Variants in RRP7A observed in about 807,000 individuals in gnomAD.
RRP7A encodes the protein ribosomal RNA processing 7 homolog A, also known as ribosomal RNA-processing protein 7 homolog A.
In RRP7A, 27 loss-of-function variants were observed where a neutral mutation model predicts 38.4. The ratio of observed to expected loss-of-function variants is 0.70; its 90% CI spans 0.52 to 0.97. RRP7A has a LOEUF of 0.97. Ranked by LOEUF, RRP7A falls within the 50% of genes least tolerant of loss-of-function variation. RRP7A has a pLI of 0.00. For missense variants in RRP7A, 327 were observed against 375.4 expected (o/e 0.87, Z 1.07); for synonymous variants, 124 against 150.3 (o/e 0.83, Z 1.28).
chr22:42,509,710 A>G lies in RRP7A; in HGVS notation c.*3200T>C, dbSNP rs973144712. Among the ~76,000 whole-genome samples, 18 of 151,950 alleles carry G rather than the reference A, an allele frequency of 1.2e-4. No homozygotes were observed. Among genetic ancestry groups the G allele is most frequent in the South Asian group, 6.2e-4 (3 of 4,810 alleles). On this transcript the variant is annotated 3_prime_UTR_variant, in exon 7 of 7. Coordinates refer to ENST00000323013, the MANE Select transcript of RRP7A (RefSeq NM_015703.5). ...CATGGATGAGCCTTGAAAACATCGC[A>G]CTAAGTGGATGAAGTCAGACACAAC...
chr22:42,509,356 G>T lies in RRP7A; in HGVS notation c.*3554C>A, dbSNP rs968630521. ...CCCATGCCTTTCCACAGGTGTCAGC[G>T]GGGGGCATGCCCAGGTAAGGCTCCA... On this transcript the variant is annotated 3_prime_UTR_variant, in exon 7 of 7. Transcript: ENST00000323013. 1.7e-5 allele frequency among the ~76,000 whole-genome samples: 2 copies of T among 120,156 alleles called. No individual in the cohort carries two copies. Among genetic ancestry groups the T allele is most frequent in the South Asian group, 2.2e-4 (1 of 4,496 alleles). The allele number at this position is 120,156 out of a possible 152,430, so 78.8% of individuals were successfully genotyped here. A position where few individuals can be genotyped will look rare whatever the true frequency, so the allele number is the denominator to read the frequency against.
Position 42,509,048 on chromosome 22 carries a change from C to T in RRP7A, c.*3862G>A, listed in dbSNP as rs767657891. On this transcript the variant is annotated 3_prime_UTR_variant, in exon 7 of 7. Coordinates refer to ENST00000323013, the MANE Select transcript of RRP7A (RefSeq NM_015703.5). Reference sequence around the variant, plus strand: ...TGCAGGCAGAGAACAGCATTGACTTCGTCAGCAGGGAGCTGTGTGCGCATT... The same window carrying T: ...TGCAGGCAGAGAACAGCATTGACTTTGTCAGCAGGGAGCTGTGTGCGCATT... The T allele has an allele frequency of 1.7e-5, 28 of 1,608,586 alleles. No homozygotes were observed. Among genetic ancestry groups the T allele is most frequent in the Admixed American group, 5.0e-5 (3 of 59,966 alleles).
chr22:42,515,379 G>T, intron 3 of RRP7A, 111 bp from the exon 4 acceptor site: 1 of 720,826 alleles, frequency 1.4e-6, no homozygotes, highest in Non-Finnish European at 2.4e-6. Context: ...ATGGTGCTAG[G>T]CTATTCCTGA....
intron 2 of RRP7A, 29 bp downstream of exon 2, chr22:42,517,976 G>T: frequency 6.2e-7 from 1 of 1,606,714 alleles, no homozygotes; most frequent in Non-Finnish European, 8.5e-7. Context: ...TGAGCCCACA[G>T]GTCTCCTCCC....
At chr22:42,515,862 G>T (rs1438344775) in intron 3 of RRP7A, 149 bp downstream of exon 3, 5 of 1,039,870 alleles carry the variant, frequency 4.8e-6, no homozygotes, top group Non-Finnish European at 1.4e-6. Flanking sequence ...CGCAGGCTTT[G>T]TCACCCAGAC....
chr22:42,516,452 A>C (rs1920930077), intron 2 of RRP7A: 1 of 412,552 alleles, frequency 2.4e-6, no homozygotes, highest in African/African-American at 2.1e-5. Flanking sequence ...TGGGATTACA[A>C]GCGCCCACCA....
In RRP7A at chr22:42,514,361, G is replaced by A. The variant is rs113554513; in HGVS notation, c.559-57C>T. On this transcript the variant is annotated intron_variant, in intron 5 of 6. Transcript: ENST00000323013. Reference sequence around the variant, plus strand: ...GACCTCCTGCAGCCTCCAGCAGCGCGCCCTCCACGCCCTCCTCCCAAAGTC... The same window carrying A: ...GACCTCCTGCAGCCTCCAGCAGCGCACCCTCCACGCCCTCCTCCCAAAGTC... 1,319 of 1,252,004 alleles carry A rather than the reference G, an allele frequency of 1.1e-3. 35 individuals are homozygous for A. Among genetic ancestry groups the A allele is most frequent in the Non-Finnish European group, 1.2e-3 (1,063 of 895,344 alleles). The allele number at this position is 1,252,004 out of a possible 1,614,324, so 77.6% of individuals were successfully genotyped here.
chr22:42,511,803 C>T lies in RRP7A; in HGVS notation c.*1107G>A, dbSNP rs1375579234. 2 of 314,630 alleles carry T rather than the reference C, an allele frequency of 6.4e-6. No homozygotes were observed. The highest frequency in any genetic ancestry group is 1.2e-5 in the Non-Finnish European group (2 of 165,342). The allele number at this position is 314,630 out of a possible 1,614,324, so 19.5% of individuals were successfully genotyped here. A position where few individuals can be genotyped will look rare whatever the true frequency, so the allele number is the denominator to read the frequency against. ...CAGGCTGCTCACGTCATCTCATTAT[C>T]TTTTCTCACGAGGACTACTTCGGAT... is the stretch of plus-strand genomic sequence containing the variant. On this transcript the variant is annotated 3_prime_UTR_variant, in exon 7 of 7. Coordinates refer to ENST00000323013, the MANE Select transcript of RRP7A (RefSeq NM_015703.5).
Position 42,512,608 on chromosome 22 carries a change from GA to G in RRP7A, c.*301del. The stretch of plus-strand genomic sequence containing the variant: ...GCCAGCAAGGGCTTTTGCATTGAGG[GA>G]AAAGGAAGCACAGAACGGATTCATC... On this transcript the variant is annotated 3_prime_UTR_variant, in exon 7 of 7. Transcript: ENST00000323013. 1 of 557,306 alleles carries G rather than the reference GA, an allele frequency of 1.8e-6. No individual in the cohort carries two copies. The highest frequency in any genetic ancestry group is 3.2e-6 in the Non-Finnish European group (1 of 310,798). The allele number at this position is 557,306 out of a possible 1,614,324, so 34.5% of individuals were successfully genotyped here. A position where few individuals can be genotyped will look rare whatever the true frequency, so the allele number is the denominator to read the frequency against.
Position 42,511,813 on chromosome 22 carries a change from G to GA in RRP7A, c.*1096dup, listed in dbSNP as rs1216657815. 4 of 345,558 alleles carry GA rather than the reference G, an allele frequency of 1.2e-5. No homozygotes were observed. Among genetic ancestry groups the GA allele is most frequent in the Non-Finnish European group, 2.2e-5 (4 of 183,586 alleles). The allele number at this position is 345,558 out of a possible 1,614,324, so 21.4% of individuals were successfully genotyped here. On this transcript the variant is annotated 3_prime_UTR_variant, in exon 7 of 7. Coordinates refer to ENST00000323013, the MANE Select transcript of RRP7A (RefSeq NM_015703.5). ...ACGTCATCTCATTATCTTTTCTCAC[G>GA]AGGACTACTTCGGATACAATCACAG...
intron 1 of RRP7A, 113 bp downstream of exon 1, chr22:42,519,601 G>C (rs1039917205): frequency 3.3e-6 from 3 of 922,012 alleles, no homozygotes; most frequent in East Asian, 3.3e-5. Flanking sequence ...CGGGCCACCG[G>C]GGCTCACACC....
rs150983013 is a variant in RRP7A at position 42,512,493 on chromosome 22, G to C, written c.*417C>G. 16 of 559,824 alleles carry C rather than the reference G, an allele frequency of 2.9e-5. No individual in the cohort carries two copies. The highest frequency in any genetic ancestry group is 4.5e-5 in the Non-Finnish European group (14 of 314,084). 34.7% of individuals were successfully genotyped at this position (559,824 alleles called of 1,614,324 possible). A position where few individuals can be genotyped will look rare whatever the true frequency, so the allele number is the denominator to read the frequency against. ...CCAGCCAGCTGGAGGAAGGAAGGGC[G>C]GGCTGGGCCCACCTAGCCTTTCCCT... On this transcript the variant is annotated 3_prime_UTR_variant, in exon 7 of 7. Coordinates refer to ENST00000323013, the MANE Select transcript of RRP7A (RefSeq NM_015703.5).
rs1164332245 is a variant in RRP7A at position 42,509,296 on chromosome 22, G to A, written c.*3614C>T. Among the ~76,000 whole-genome samples, 1 of 151,330 alleles carries A rather than the reference G, an allele frequency of 6.6e-6. No individual in the cohort carries two copies. The highest frequency in any genetic ancestry group is 1.5e-5 in the Non-Finnish European group (1 of 67,720). ...TGGAAGGAGGAAGGTCAGAGGAGGG[G>A]AGGGCTCAGGCAGCAGGGGATGGGC... On this transcript the variant is annotated 3_prime_UTR_variant, in exon 7 of 7. Transcript: ENST00000323013.
At chr22:42,519,615 C>A (rs1420902023) in intron 1 of RRP7A, 99 bp downstream of exon 1, 7 of 1,068,986 alleles carry the variant, frequency 6.5e-6, no homozygotes, top group Non-Finnish European at 8.7e-6. Flanking sequence ...TCACACCCAA[C>A]CGTGCGGCCG....
At chr22:42,515,357 A>T in intron 3 of RRP7A, 89 bp from the exon 4 acceptor site, 4 of 740,166 alleles carry the variant, frequency 5.4e-6, no homozygotes, top group Non-Finnish European at 7.1e-6. Context: ...GGTGGTAGCT[A>T]CACCAGGGGA....
Position 42,508,977 on chromosome 22 carries a change from G to A in RRP7A, c.*3933C>T, listed in dbSNP as rs369657085. The A allele has an allele frequency of 8.2e-5, 132 of 1,611,444 alleles. 2 individuals carry two copies. Among genetic ancestry groups the A allele is most frequent in the East Asian group, 7.6e-4 (34 of 44,858 alleles). On this transcript the variant is annotated 3_prime_UTR_variant, in exon 7 of 7. Transcript: ENST00000323013. ...CAACAGAGATGGGTTTCGTGCCCAC[G>A]AGAGTGCCTGTGCCTTGTGACGAGA...
rs1435417178 is a variant in RRP7A at position 42,508,993 on chromosome 22, T to G, written c.*3917A>C. The G allele has an allele frequency of 2.5e-6, 4 of 1,612,700 alleles. No individual in the cohort carries two copies. The African/African-American group carries it at 5.3e-5, about 22-fold the overall frequency. On this transcript the variant is annotated 3_prime_UTR_variant, in exon 7 of 7. Transcript: ENST00000323013. ...CGTGCCCACGAGAGTGCCTGTGCCT[T>G]GTGACGAGAATTCACCATGTTTTTG...
In RRP7A at chr22:42,508,773, T is replaced by C. The variant is rs1445977680; in HGVS notation, c.*4137A>G. On this transcript the variant is annotated 3_prime_UTR_variant, in exon 7 of 7. Coordinates refer to ENST00000323013, the MANE Select transcript of RRP7A (RefSeq NM_015703.5). Reference sequence around the variant, plus strand: ...AGCCATACCTGGTGGCAAAGGAGTATTGGAAATGGAGTCAGGCTGGGTAGC... The same window carrying C: ...AGCCATACCTGGTGGCAAAGGAGTACTGGAAATGGAGTCAGGCTGGGTAGC... Among the ~76,000 whole-genome samples, 1 of 152,114 alleles carries C rather than the reference T, an allele frequency of 6.6e-6. No individual in the cohort carries two copies. Among genetic ancestry groups the C allele is most frequent in the Non-Finnish European group, 1.5e-5 (1 of 68,002 alleles).
At chr22:42,518,741 G>A (rs1374235440) in intron 1 of RRP7A, 1 of 470,814 alleles carries the variant, frequency 2.1e-6, no homozygotes, top group Non-Finnish European at 4.4e-6. Flanking sequence ...ATATTGATGA[G>A]ATTCTTTGGT....
Sources: gnomAD v4.1 joint callset for allele counts (sites outside exome capture counted in the v4.1 genomes callset) on GRCh38, gnomAD v4.1.1 for gene constraint, MANE v1.5 for transcripts, NCBI Gene and HGNC (gene_info 2026-07-23, HGNC 2026-07-21) for gene names.